PLCG2: variants seen among roughly 807,000 people sequenced by gnomAD.
PLCG2 encodes 1-phosphatidylinositol 4,5-bisphosphate phosphodiesterase gamma-2.
PLCG2 carries 69 observed loss-of-function variants against 175.6 expected under a neutral mutation model. That is an observed-to-expected ratio of 0.39 (90% CI 0.32 to 0.48). The LOEUF is 0.48. Among genes scored for constraint, PLCG2 ranks in the 20% least tolerant of loss-of-function variants. PLCG2 has a pLI of 0.91. For synonymous variants in PLCG2, 827 were observed against 624.0 expected, an observed-to-expected ratio of 1.33 and a Z score of -4.85; for missense variants, 1,798 against 1,650.9, an observed-to-expected ratio of 1.09 and a Z score of -1.54.
At chr16:81,833,338 C>T (rs1310582356) in intron 2 of PLCG2, among the ~76,000 whole-genome samples, 1 of 152,040 alleles carries the variant, frequency 6.6e-6, no homozygotes, top group Non-Finnish European at 1.5e-5. Flanking sequence ...CTGTCCACAC[C>T]CCCAGGGTCC....
Position 81,908,642 on chromosome 16 carries a change from T to C in PLCG2, c.1733+51T>C, listed in dbSNP as rs1023875295. The C allele has an allele frequency of 2.0e-6, 3 of 1,498,662 alleles. No homozygotes were observed. The Admixed American group carries it at 5.6e-5, about 28-fold the overall frequency. 92.8% of individuals were successfully genotyped at this position (1,498,662 alleles called of 1,614,324 possible). ...CTACCTTCTTCTCCATGCCAACCGATGAGGCAGGGTGGCGAGTGGTTCTAG... is the reference window on the plus strand; with the variant it reads ...CTACCTTCTTCTCCATGCCAACCGACGAGGCAGGGTGGCGAGTGGTTCTAG... On this transcript the variant is annotated intron_variant, in intron 17 of 32. Transcript: ENST00000564138.
At chr16:81,843,900 A>C (rs950494353) in intron 2 of PLCG2, among the ~76,000 whole-genome samples, 8 of 152,008 alleles carry the variant, frequency 5.3e-5, no homozygotes, top group Non-Finnish European at 4.4e-5. Flanking sequence ...TTGCAGACAG[A>C]CACGCCTTTC....
chr16:81,786,721 T>C (rs997278056), intron 2 of PLCG2, among the ~76,000 whole-genome samples: 1 of 152,238 alleles, frequency 6.6e-6, no homozygotes, highest in African/African-American at 2.4e-5. Context: ...CTCCGTTTGA[T>C]TGGGCAGCTG....
intron 5 of PLCG2, 104 bp from the exon 6 acceptor site, chr16:81,869,110 C>T: frequency 1.3e-6 from 1 of 773,430 alleles, no homozygotes; most frequent in Non-Finnish European, 2.3e-6. Context: ...GTTGACCAGG[C>T]TCTCTCATAG....
At chr16:81,905,571 C>T (rs1707868578) in intron 15 of PLCG2, 64 bp downstream of exon 15, 2 of 1,033,840 alleles carry the variant, frequency 1.9e-6, no homozygotes, top group Non-Finnish European at 3.0e-6. Flanking sequence ...TCTTGGAGCC[C>T]TGCTGGGAGC....
intron 2 of PLCG2, among the ~76,000 whole-genome samples, chr16:81,758,438 T>C (rs1412826723): frequency 6.6e-6 from 1 of 152,238 alleles, no homozygotes; most frequent in Non-Finnish European, 1.5e-5. Context: ...TTTTGGCTAT[T>C]ATAAATAATG....
At chr16:81,741,337 A>T (rs939096707) in intron 1 of PLCG2, among the ~76,000 whole-genome samples, 63 of 152,378 alleles carry the variant, frequency 4.1e-4, no homozygotes, top group Admixed American at 5.2e-4. Flanking sequence ...TCACACAGCC[A>T]GGAAGTAGAA....
chr16:81,801,021 C>G (rs1049295062), intron 2 of PLCG2, among the ~76,000 whole-genome samples: 3 of 152,090 alleles, frequency 2.0e-5, no homozygotes, highest in African/African-American at 4.8e-5. Flanking sequence ...ACTCATTCTC[C>G]CCTAGAGGGT....
At chr16:81,898,916 G>C (rs1211856885) in intron 13 of PLCG2, among the ~76,000 whole-genome samples, 1 of 152,170 alleles carries the variant, frequency 6.6e-6, no homozygotes, top group Non-Finnish European at 1.5e-5. Context: ...TGGGCACAGT[G>C]GCTCACGCCT....
intron 22 of PLCG2, among the ~76,000 whole-genome samples, chr16:81,924,024 A>G (rs182213673): frequency 4.7e-4 from 72 of 152,352 alleles, no homozygotes; most frequent in Middle Eastern, 3.4e-3. Context: ...GCTTTCCAAT[A>G]CACAAGACTG....
chr16:81,942,286 C>T (rs192361136), intron 30 of PLCG2, among the ~76,000 whole-genome samples: 5 of 152,156 alleles, frequency 3.3e-5, no homozygotes, highest in Non-Finnish European at 5.9e-5. Flanking sequence ...CAAAGTGTGT[C>T]AATTCATCTG....
intron 1 of PLCG2, among the ~76,000 whole-genome samples, chr16:81,741,265 T>C (rs1277003206): frequency 6.6e-6 from 1 of 152,198 alleles, no homozygotes; most frequent in Non-Finnish European, 1.5e-5. Flanking sequence ...TTGAGGTTAT[T>C]TTAGTTGTAT....
Position 81,785,046 on chromosome 16 carries a change from A to C in PLCG2, c.-47-897A>C, listed in dbSNP as rs749649550. On this transcript the variant is annotated intron_variant, in intron 1 of 32. Transcript: ENST00000564138. ...ATCTGAGAATTGACCCTAGCAGGTCAGGGAAGAAGTGGGGAGAGCAGGATT... is the reference window on the plus strand; with the variant it reads ...ATCTGAGAATTGACCCTAGCAGGTCCGGGAAGAAGTGGGGAGAGCAGGATT... Among the ~76,000 whole-genome samples, 3 of 152,190 alleles carry C rather than the reference A, an allele frequency of 2.0e-5. No individual in the cohort carries two copies. The South Asian group carries it at 6.2e-4, about 32-fold the overall frequency.
At chr16:81,792,896 A>C (rs956286784) in intron 2 of PLCG2, among the ~76,000 whole-genome samples, 3 of 152,180 alleles carry the variant, frequency 2.0e-5, no homozygotes, top group Non-Finnish European at 4.4e-5. Flanking sequence ...GTGTGACTGG[A>C]AGCTAATTCT....
intron 2 of PLCG2, among the ~76,000 whole-genome samples, chr16:81,819,025 A>C (rs78499251): frequency 1.3e-5 from 2 of 151,400 alleles, no homozygotes; most frequent in Non-Finnish European, 2.9e-5. Flanking sequence ...GGCAGGTGTA[A>C]CTCCTTCAAT....
At chr16:81,912,375 A>C (rs1909664762) in intron 18 of PLCG2, among the ~76,000 whole-genome samples, 1 of 152,164 alleles carries the variant, frequency 6.6e-6, no homozygotes, top group Non-Finnish European at 1.5e-5. Flanking sequence ...CCAATGTATT[A>C]TTTTGGGCTT....
intron 31 of PLCG2, among the ~76,000 whole-genome samples, chr16:81,953,499 C>T (rs918322238): frequency 1.6e-4 from 24 of 151,906 alleles, no homozygotes; most frequent in African/African-American, 5.6e-4. Context: ...ATTTTTCCCC[C>T]CAACAAACAG....
In PLCG2 at chr16:81,961,058, T is replaced by C; in HGVS notation, c.*3060T>C. ...GAAAGACTTATCAACAGGGCACAAATCTTTTTGCAAATGGATTTTCCAAGT... is the reference window on the plus strand; with the variant it reads ...GAAAGACTTATCAACAGGGCACAAACCTTTTTGCAAATGGATTTTCCAAGT... On this transcript the variant is annotated 3_prime_UTR_variant, in exon 33 of 33. Coordinates refer to ENST00000564138, the MANE Select transcript of PLCG2 (RefSeq NM_002661.5). The C allele has an allele frequency of 4.3e-6, 1 of 231,614 alleles. No individual in the cohort carries two copies. Among genetic ancestry groups the C allele is most frequent in the Non-Finnish European group, 8.5e-6 (1 of 117,060 alleles). The allele number at this position is 231,614 out of a possible 1,614,324, so 14.3% of individuals were successfully genotyped here.
intron 7 of PLCG2, among the ~76,000 whole-genome samples, chr16:81,874,503 C>T (rs577674447): frequency 3.9e-5 from 6 of 152,312 alleles, no homozygotes; most frequent in Admixed American, 2.0e-4. Flanking sequence ...GGTAAATGCC[C>T]ATCCCCTAAC....
Sources: allele counts gnomAD v4.1 joint callset (sites outside exome capture counted in the v4.1 genomes callset), GRCh38; gene constraint gnomAD v4.1.1; transcripts MANE v1.5; gene names NCBI Gene and HGNC (gene_info 2026-07-23, HGNC 2026-07-21).